Variants in POU6F2 observed in about 807,000 individuals in gnomAD.
POU6F2 encodes the protein POU class 6 homeobox 2.
POU6F2 carries 31 observed loss-of-function variants against 71.3 expected under a neutral mutation model. That is an observed-to-expected ratio of 0.43 (90% CI 0.33 to 0.59). The LOEUF (loss-of-function observed/expected upper bound fraction) is 0.59. Ranked by LOEUF, POU6F2 falls within the 20% of genes least tolerant of loss-of-function variation. POU6F2 has a pLI of 0.04. For missense variants in POU6F2, 783 were observed against 856.8 expected (o/e 0.91, Z 1.07); for synonymous variants, 347 against 355.7 (o/e 0.98, Z 0.27).
intron 7 of POU6F2, among the ~76,000 whole-genome samples, chr7:39,434,400 T>A (rs1343799208): frequency 6.6e-6 from 1 of 152,006 alleles, no homozygotes; most frequent in Admixed American, 6.6e-5. Flanking sequence ...GTTACCTCAT[T>A]TGTAAAGTGG....
In POU6F2 at chr7:39,467,893, A is replaced by G. The variant is rs935138774; in HGVS notation, c.*3207A>G. Reference sequence around the variant, plus strand: ...GCTCAATATTTGTAGGTATATGCACATTGTATAGATATGGCTAAATGTTGC... The same window carrying G: ...GCTCAATATTTGTAGGTATATGCACGTTGTATAGATATGGCTAAATGTTGC... On this transcript the variant is annotated 3_prime_UTR_variant, in exon 10 of 10. Coordinates refer to ENST00000518318, the MANE Select transcript of POU6F2 (RefSeq NM_001370959.1). The G allele has an allele frequency of 1.3e-5, 2 of 152,170 alleles. No individual in the cohort carries two copies. Among genetic ancestry groups the G allele is most frequent in the African/African-American group, 2.4e-5 (1 of 41,438 alleles). The allele number at this position is 152,170 out of a possible 1,614,324, so 9.4% of individuals were successfully genotyped here.
At chr7:39,256,958 T>A (rs542902806) in intron 4 of POU6F2, among the ~76,000 whole-genome samples, 3 of 152,214 alleles carry the variant, frequency 2.0e-5, no homozygotes, top group Non-Finnish European at 4.4e-5. Context: ...ATCACAGATT[T>A]GTGTTGTTAA....
chr7:39,427,828 T>A (rs2116003135), intron 6 of POU6F2, among the ~76,000 whole-genome samples: 1 of 152,316 alleles, frequency 6.6e-6, no homozygotes, highest in South Asian at 2.1e-4. Flanking sequence ...TAACAACATA[T>A]CATTGGCTAT....
chr7:39,061,859 T>C (rs1385848471), intron 1 of POU6F2, among the ~76,000 whole-genome samples: 1 of 152,190 alleles, frequency 6.6e-6, no homozygotes, highest in Non-Finnish European at 1.5e-5. Flanking sequence ...AGCTTGTTGC[T>C]CTTTTCTCAA....
At chr7:38,997,532 T>A (rs1186950492) in intron 1 of POU6F2, among the ~76,000 whole-genome samples, 1 of 152,220 alleles carries the variant, frequency 6.6e-6, no homozygotes, top group African/African-American at 2.4e-5. Flanking sequence ...GCATCCACAT[T>A]CTGTTTTCTT....
At chr7:39,156,896 G>A (rs1340021851) in intron 2 of POU6F2, among the ~76,000 whole-genome samples, 1 of 152,148 alleles carries the variant, frequency 6.6e-6, no homozygotes, top group African/African-American at 2.4e-5. Context: ...TAGCATCAAA[G>A]TAATGCTTTT....
intron 1 of POU6F2, among the ~76,000 whole-genome samples, chr7:39,001,296 G>C (rs1399712502): frequency 6.6e-6 from 1 of 151,698 alleles, no homozygotes; most frequent in Non-Finnish European, 1.5e-5. Context: ...TATAAACAAA[G>C]AGTTGATAAT....
chr7:39,408,137 C>T (rs1279098245), intron 6 of POU6F2, among the ~76,000 whole-genome samples: 3 of 152,190 alleles, frequency 2.0e-5, no homozygotes, highest in Admixed American at 6.5e-5. Context: ...GTAACTCATA[C>T]TCACATCAGG....
At chr7:39,250,492 C>A (rs1457332991) in intron 4 of POU6F2, among the ~76,000 whole-genome samples, 1 of 152,186 alleles carries the variant, frequency 6.6e-6, no homozygotes, top group Non-Finnish European at 1.5e-5. Context: ...TAATAGCCAC[C>A]TTCCATTTAA....
rs1242427555 is a variant in POU6F2, at chr7:39,056,660, C to CTGTG, written c.106-29199_106-29198insGTGT. Among the ~76,000 whole-genome samples the CTGTG allele has an allele frequency of 4.3e-4, 43 of 98,934 alleles. 1 individual carries two copies. The East Asian group carries it at 6.0e-3, about 14-fold the overall frequency. 64.9% of individuals were successfully genotyped at this position (98,934 alleles called of 152,430 possible). A position where few individuals can be genotyped will look rare whatever the true frequency, so the allele number is the denominator to read the frequency against. On this transcript the variant is annotated intron_variant, in intron 1 of 9. Transcript: ENST00000518318. ...TCTCTTTCTCTTTTTCTCTCTCTCT[C>CTGTG]TCTGTGTGTGTGTGTGTATGTGTGT...
chr7:39,156,277 A>C (rs1792869057), intron 2 of POU6F2, among the ~76,000 whole-genome samples: 1 of 152,192 alleles, frequency 6.6e-6, no homozygotes, highest in Admixed American at 6.5e-5. Flanking sequence ...CCATTAGATC[A>C]TTTAAGTTAG....
chr7:39,422,852 C>T (rs1368773455), intron 6 of POU6F2, among the ~76,000 whole-genome samples: 2 of 152,164 alleles, frequency 1.3e-5, no homozygotes, highest in Non-Finnish European at 2.9e-5. Context: ...TTCCTTCCTA[C>T]AGAGTGGCTT....
At chr7:39,285,771 T>C (rs554200700) in intron 4 of POU6F2, among the ~76,000 whole-genome samples, 1 of 152,172 alleles carries the variant, frequency 6.6e-6, no homozygotes, top group African/African-American at 2.4e-5. Flanking sequence ...GATGCTGAAG[T>C]TTCTCAGTAG....
At chr7:39,213,420 C>T (rs148139737) in intron 4 of POU6F2, among the ~76,000 whole-genome samples, 150 of 152,232 alleles carry the variant, frequency 9.9e-4, no homozygotes, top group Admixed American at 8.1e-3. Context: ...CTGAGGTATC[C>T]TTTACATACA....
At chr7:39,090,281 G>A (rs1289452899) in intron 2 of POU6F2, among the ~76,000 whole-genome samples, 12 of 152,042 alleles carry the variant, frequency 7.9e-5, no homozygotes, top group Admixed American at 7.9e-4. Context: ...TGCATTATAA[G>A]ATTTTTTTCT....
chr7:39,402,345 G>A (rs1787323588), intron 5 of POU6F2, among the ~76,000 whole-genome samples: 1 of 152,024 alleles, frequency 6.6e-6, no homozygotes, highest in Non-Finnish European at 1.5e-5. Flanking sequence ...TATGAGATGA[G>A]CACCAAATAT....
At chr7:39,105,434 GT>G (rs11318695) in intron 2 of POU6F2, among the ~76,000 whole-genome samples, 45,137 of 145,774 alleles carry the variant, frequency 0.31, 6,940 homozygotes, top group East Asian at 0.56. Flanking sequence ...TTAACCTCAG[GT>G]TTTTTTTTTT....
chr7:39,376,628 A>G (rs1786715221), intron 5 of POU6F2, among the ~76,000 whole-genome samples: 2 of 152,186 alleles, frequency 1.3e-5, no homozygotes, highest in Admixed American at 6.5e-5. Context: ...ACCTAAGGCC[A>G]CATATGCCCA....
At chr7:39,235,311 G>C (rs1312166929) in intron 4 of POU6F2, among the ~76,000 whole-genome samples, 1 of 152,164 alleles carries the variant, frequency 6.6e-6, no homozygotes, top group Non-Finnish European at 1.5e-5. Context: ...AATAAAAATA[G>C]CTCCTGAATA....
Sources: gnomAD v4.1 joint callset for allele counts (sites outside exome capture counted in the v4.1 genomes callset) on GRCh38, gnomAD v4.1.1 for gene constraint, MANE v1.5 for transcripts, NCBI Gene and HGNC (gene_info 2026-07-23, HGNC 2026-07-21) for gene names.